Variants in TAFA5 observed in about 807,000 individuals in gnomAD.
The protein encoded by TAFA5 is TAFA chemokine like family member 5.
In TAFA5, 6 loss-of-function variants were observed where a neutral mutation model predicts 15.3. The ratio of observed to expected loss-of-function variants is 0.39; its 90% CI spans 0.21 to 0.77. The LOEUF (loss-of-function observed/expected upper bound fraction) is 0.77, where lower values mean the gene tolerates loss of function less well. Among genes scored for constraint, TAFA5 ranks in the 30% least tolerant of loss-of-function variants. TAFA5 has a pLI of 0.41. For synonymous variants in TAFA5, 103 were observed against 80.7 expected (o/e 1.28, Z -1.48); for missense variants, 161 against 193.1 (o/e 0.83, Z 0.98).
At position 48,510,272 on chromosome 22, in the gene TAFA5, G is replaced by A. The variant is rs917006303; in HGVS notation, c.112+20568G>A. On this transcript the variant is annotated intron_variant, in intron 1 of 3. Coordinates refer to ENST00000402357, the MANE Select transcript of TAFA5 (RefSeq NM_001082967.3). ...TGAAGAAGACACCTGTGGAATGGGCGAGAATATTTGCGGGTTCTTCCTCCA... is the reference window on the plus strand; with the variant it reads ...TGAAGAAGACACCTGTGGAATGGGCAAGAATATTTGCGGGTTCTTCCTCCA... Among the ~76,000 whole-genome samples, 9 of 152,276 alleles carry A rather than the reference G, an allele frequency of 5.9e-5. No individual in the cohort carries two copies. In the East Asian group the frequency reaches 1.7e-3, roughly 29 times the overall value.
At chr22:48,695,473 T>C (rs147162314) in intron 2 of TAFA5, among the ~76,000 whole-genome samples, 1 of 152,322 alleles carries the variant, frequency 6.6e-6, no homozygotes, top group East Asian at 1.9e-4. Context: ...GAGGAAAGTT[T>C]ATTGCCAAGG....
intron 2 of TAFA5, among the ~76,000 whole-genome samples, chr22:48,703,150 G>A (rs1308597762): frequency 6.6e-6 from 1 of 152,112 alleles, no homozygotes; most frequent in South Asian, 2.1e-4. Flanking sequence ...AAATGGGCAT[G>A]TGTGTGCCTG....
intron 3 of TAFA5, among the ~76,000 whole-genome samples, chr22:48,743,236 C>T (rs757064180): frequency 3.9e-5 from 6 of 152,168 alleles, no homozygotes; most frequent in Admixed American, 6.5e-5. Context: ...GGGGTCCAGA[C>T]GTCTGTGGTC....
intron 1 of TAFA5, chr22:48,544,780 T>C (rs1283615100): frequency 2.1e-6 from 1 of 471,278 alleles, no homozygotes; most frequent in Non-Finnish European, 4.4e-6. Flanking sequence ...GAGTTCTGGC[T>C]GTTACCACGA....
chr22:48,627,715 G>A (rs756770681), intron 1 of TAFA5, among the ~76,000 whole-genome samples: 1 of 152,242 alleles, frequency 6.6e-6, no homozygotes, highest in Non-Finnish European at 1.5e-5. Flanking sequence ...TGCAGCTGAG[G>A]CAGGACCCTC....
chr22:48,694,244 G>C (rs73175158), intron 2 of TAFA5, among the ~76,000 whole-genome samples: 25,711 of 152,216 alleles, frequency 0.17, 2,277 homozygotes, highest in African/African-American at 0.19. Flanking sequence ...GGGAGGACCA[G>C]CAGGGCGGCC....
chr22:48,664,886 A>T (rs1927560102), intron 2 of TAFA5, among the ~76,000 whole-genome samples: 1 of 152,180 alleles, frequency 6.6e-6, no homozygotes, highest in Non-Finnish European at 1.5e-5. Context: ...ATTCTGCGTG[A>T]TGCTGCTGTG....
chr22:48,620,601 A>ATCCACCCACCCACCACCC (rs1555893262), intron 1 of TAFA5, among the ~76,000 whole-genome samples: 5 of 16,778 alleles, frequency 3.0e-4, no homozygotes, highest in African/African-American at 5.9e-4. Flanking sequence ...CCACCCCCCT[A>ATCCACCCACCCACCACCC]CCCATCCTAT....
At chr22:48,709,677 G>A (rs1929192024) in intron 3 of TAFA5, among the ~76,000 whole-genome samples, 2 of 152,236 alleles carry the variant, frequency 1.3e-5, no homozygotes, top group African/African-American at 2.4e-5. Context: ...CCAGGCCAGC[G>A]TTCAGGCTGC....
Position 48,651,663 on chromosome 22 carries a change from C to T in TAFA5, c.262+4917C>T, listed in dbSNP as rs149996010. 1.7e-4 allele frequency among the ~76,000 whole-genome samples: 26 copies of T among 152,150 alleles called. No homozygotes were observed. In the East Asian group the frequency reaches 3.7e-3, roughly 21 times the overall value. Reference sequence around the variant, plus strand: ...TTGGCAGTAGACGCGCAGCCTTAGGCGGGTGGACGCTGAGGCCGTGGGTTT... The same window carrying T: ...TTGGCAGTAGACGCGCAGCCTTAGGTGGGTGGACGCTGAGGCCGTGGGTTT... On this transcript the variant is annotated intron_variant, in intron 2 of 3. Transcript: ENST00000402357.
chr22:48,748,043 T>C (rs548814779), intron 3 of TAFA5, among the ~76,000 whole-genome samples: 1 of 152,346 alleles, frequency 6.6e-6, no homozygotes, highest in East Asian at 1.9e-4. Flanking sequence ...CTGTTGTTTG[T>C]GTCTGAGCAC....
chr22:48,500,358 G>A (rs1378549305), intron 1 of TAFA5, among the ~76,000 whole-genome samples: 1 of 152,200 alleles, frequency 6.6e-6, no homozygotes, highest in Non-Finnish European at 1.5e-5. Flanking sequence ...ATGGGATTTT[G>A]CTTGTAATTC....
chr22:48,722,603 T>C lies in TAFA5; in HGVS notation c.390+14759T>C, dbSNP rs1159194774. On this transcript the variant is annotated intron_variant, in intron 3 of 3. Coordinates refer to ENST00000402357, the MANE Select transcript of TAFA5 (RefSeq NM_001082967.3). The stretch of plus-strand genomic sequence containing the variant: ...ATAGCATCAGGAGAAATACCTAATG[T>C]AAGTGACAGGTTGATGGGTGCAGCA... Among the ~76,000 whole-genome samples, 4 of 152,270 alleles carry C rather than the reference T, an allele frequency of 2.6e-5. 1 individual carries two copies. The South Asian group carries it at 8.3e-4, about 32-fold the overall frequency.
At chr22:48,586,036 C>G (rs1924346435) in intron 1 of TAFA5, among the ~76,000 whole-genome samples, 1 of 152,256 alleles carries the variant, frequency 6.6e-6, no homozygotes, top group African/African-American at 2.4e-5. Flanking sequence ...CAGCTTCGGC[C>G]TCTGCCCCTG....
intron 1 of TAFA5, among the ~76,000 whole-genome samples, chr22:48,588,780 A>G (rs1924452965): frequency 6.6e-6 from 1 of 152,162 alleles, no homozygotes; most frequent in Non-Finnish European, 1.5e-5. Context: ...TGCTCCTGGC[A>G]GAAGACTCAG....
At chr22:48,528,069 GC>G (rs1176026949) in intron 1 of TAFA5, among the ~76,000 whole-genome samples, 1 of 152,180 alleles carries the variant, frequency 6.6e-6, no homozygotes, top group African/African-American at 2.4e-5. Context: ...GGCCGCCTGG[GC>G]CCCCCGGGGC....
chr22:48,674,032 CGCCCGCCTCACATCTGGACTCCTCT>C lies in TAFA5; in HGVS notation c.262+27312_262+27336del, dbSNP rs1403787140. On this transcript the variant is annotated intron_variant, in intron 2 of 3. Coordinates refer to ENST00000402357, the MANE Select transcript of TAFA5 (RefSeq NM_001082967.3). ...CCCGCCTCACATCTGGACTCCTCTT[CGCCCGCCTCACATCTGGACTCCTCT>C]GCCCGCCTCACATCTGGACTCCTCT... Among the ~76,000 whole-genome samples, 127 of 142,906 alleles carry C rather than the reference CGCCCGCCTCACATCTGGACTCCTCT, an allele frequency of 8.9e-4. 2 individuals carry two copies. Among genetic ancestry groups the C allele is most frequent in the Admixed American group, 7.0e-3 (102 of 14,662 alleles). 93.8% of individuals were successfully genotyped at this position (142,906 alleles called of 152,430 possible).
chr22:48,698,138 A>C (rs1207734064), intron 2 of TAFA5, among the ~76,000 whole-genome samples: 1 of 146,904 alleles, frequency 6.8e-6, no homozygotes, highest in African/African-American at 2.5e-5. Context: ...GGTGGTTATG[A>C]TTATGTGATG....
intron 1 of TAFA5, among the ~76,000 whole-genome samples, chr22:48,498,306 G>T (rs1920936645): frequency 6.6e-6 from 1 of 151,622 alleles, no homozygotes; most frequent in Admixed American, 6.6e-5. Flanking sequence ...AGTGGGCTGA[G>T]GGTAGGAGTG....
Sources: gnomAD v4.1 joint callset for allele counts (sites outside exome capture counted in the v4.1 genomes callset) on GRCh38, gnomAD v4.1.1 for gene constraint, MANE v1.5 for transcripts, NCBI Gene and HGNC (gene_info 2026-07-23, HGNC 2026-07-21) for gene names.